The following PHF24 variants were observed in gnomAD, a reference collection of about 807,000 sequenced individuals.
PHF24 encodes PHD finger protein 24, also known as Galpha inhibitory interacting protein.
PHF24 carries 25 observed loss-of-function variants against 42.6 expected under a neutral mutation model. The ratio of observed to expected loss-of-function variants is 0.59; its 90% CI spans 0.43 to 0.82. The LOEUF (loss-of-function observed/expected upper bound fraction) is 0.82, where lower values mean the gene tolerates loss of function less well. Ranked by LOEUF, PHF24 falls within the 40% of genes least tolerant of loss-of-function variation. PHF24 has a pLI of 0.00. For missense variants in PHF24, 470 were observed against 538.1 expected, an observed-to-expected ratio of 0.87 and a Z score of 1.25; for synonymous variants, 185 against 204.8, an observed-to-expected ratio of 0.90 and a Z score of 0.83.
the PHF24 span, chr9:34,832,561 C>G: frequency 0.41 from 626,744 of 1,535,592 alleles, 133,437 homozygotes; most frequent in East Asian, 0.68. Flanking sequence ...GCAACATTTT[C>G]TTTTCTGGTT....
the PHF24 span, among the ~76,000 whole-genome samples, chr9:34,886,611 C>T: frequency 6.6e-6 from 1 of 152,174 alleles, no homozygotes; most frequent in Non-Finnish European, 1.5e-5. Context: ...GTCTCAGTCT[C>T]CTCTGCCTAC....
At chr9:34,815,592 G>T in the PHF24 span, among the ~76,000 whole-genome samples, 1 of 152,176 alleles carries the variant, frequency 6.6e-6, no homozygotes, top group African/African-American at 2.4e-5. Flanking sequence ...CAAGTGCTGG[G>T]ATTACAGGCG....
the PHF24 span, among the ~76,000 whole-genome samples, chr9:34,692,353 T>C: frequency 2.0e-5 from 3 of 152,224 alleles, no homozygotes; most frequent in Admixed American, 6.5e-5. Context: ...AACAATACCA[T>C]TGATGTAGTT....
chr9:34,912,232 G>A, the PHF24 span, among the ~76,000 whole-genome samples: 2 of 152,202 alleles, frequency 1.3e-5, no homozygotes, highest in African/African-American at 2.4e-5. Flanking sequence ...AGTAGGAAGA[G>A]TGTGTGTGGG....
the PHF24 span, among the ~76,000 whole-genome samples, chr9:34,926,467 A>G: frequency 1.3e-5 from 2 of 151,922 alleles, no homozygotes; most frequent in African/African-American, 2.4e-5. This position sits in a 1 kb window ranked among gnomAD's most constrained non-coding sequence, Gnocchi z 4.3. Flanking sequence ...TTCATGGGAC[A>G]TTTTCTCAGG....
At chr9:34,702,593 TAGGTCACCA>T in the PHF24 span, among the ~76,000 whole-genome samples, 1 of 152,220 alleles carries the variant, frequency 6.6e-6, no homozygotes, top group Non-Finnish European at 1.5e-5. Flanking sequence ...GCAATAGACG[TAGGTCACCA>T]AGGTCACAAG....
the PHF24 span, among the ~76,000 whole-genome samples, chr9:34,745,297 G>A: frequency 0.089 from 13,513 of 152,174 alleles, 1,773 homozygotes; most frequent in African/African-American, 0.28. Context: ...CAAGCTTGGT[G>A]AGCCATGGTC....
At chr9:34,894,869 G>C in the PHF24 span, among the ~76,000 whole-genome samples, 1 of 151,976 alleles carries the variant, frequency 6.6e-6, no homozygotes, top group African/African-American at 2.4e-5. Flanking sequence ...ATGTGCCTAG[G>C]CTCTGATTTT....
the PHF24 span, among the ~76,000 whole-genome samples, chr9:34,908,439 A>G: frequency 4.6e-5 from 7 of 152,322 alleles, no homozygotes; most frequent in Admixed American, 4.6e-4. Flanking sequence ...AAAGCAAACA[A>G]ATAGGAAAAT....
the PHF24 span, among the ~76,000 whole-genome samples, chr9:34,804,696 GA>G: frequency 6.6e-6 from 1 of 151,292 alleles, no homozygotes; most frequent in Admixed American, 6.6e-5. Flanking sequence ...ATCCATGCTT[GA>G]AAAATATTTA....
the PHF24 span, among the ~76,000 whole-genome samples, chr9:34,899,409 G>T: frequency 4.6e-5 from 7 of 152,322 alleles, no homozygotes; most frequent in South Asian, 1.0e-3. Context: ...CTATCGCCTT[G>T]TAAAGAAACA....
intron 3 of PHF24, among the ~76,000 whole-genome samples, chr9:34,973,189 A>C (rs1374880710): frequency 6.6e-6 from 1 of 152,278 alleles, no homozygotes; most frequent in East Asian, 1.9e-4. Flanking sequence ...TGCTTGGAGC[A>C]GTTCTTTCTC....
At chr9:34,907,989 C>G in the PHF24 span, among the ~76,000 whole-genome samples, 1 of 151,970 alleles carries the variant, frequency 6.6e-6, no homozygotes, top group Non-Finnish European at 1.5e-5. Context: ...ATTACAGGTG[C>G]CCGCCACCAC....
At chr9:34,891,073 G>C in the PHF24 span, among the ~76,000 whole-genome samples, 1 of 152,160 alleles carries the variant, frequency 6.6e-6, no homozygotes, top group Non-Finnish European at 1.5e-5. Context: ...AGGCAGCCCT[G>C]ACAGAAGGGC....
chr9:34,881,192 T>A, the PHF24 span, among the ~76,000 whole-genome samples: 2 of 152,182 alleles, frequency 1.3e-5, no homozygotes, highest in Non-Finnish European at 2.9e-5. Flanking sequence ...CCAGAATCTC[T>A]GGGACACATT....
the PHF24 span, among the ~76,000 whole-genome samples, chr9:34,952,038 T>C: frequency 6.6e-6 from 1 of 152,112 alleles, no homozygotes. Flanking sequence ...TACCAGACAG[T>C]GCAGTAAAGA....
At chr9:34,816,091 A>T in the PHF24 span, among the ~76,000 whole-genome samples, 1 of 150,920 alleles carries the variant, frequency 6.6e-6, no homozygotes, top group East Asian at 1.9e-4. Context: ...ATTTTATTTT[A>T]TTTTATTTTT....
chr9:34,977,511 T>C, intron 6 of PHF24, 35 bp from the exon 7 acceptor site: 1 of 1,571,710 alleles, frequency 6.4e-7, no homozygotes, highest in Non-Finnish European at 8.7e-7. Flanking sequence ...CATTTCACTA[T>C]CCCACTCCTA....
the PHF24 span, among the ~76,000 whole-genome samples, chr9:34,908,496 A>C: frequency 6.6e-6 from 1 of 152,248 alleles, no homozygotes; most frequent in Non-Finnish European, 1.5e-5. Context: ...AAAATAAAGA[A>C]GAGACTAAGT....
Sources: gnomAD v4.1 joint callset for allele counts (sites outside exome capture counted in the v4.1 genomes callset) on GRCh38, gnomAD v4.1.1 for gene constraint, Gnocchi (gnomAD v3.1) non-coding constraint, MANE v1.5 for transcripts, NCBI Gene and HGNC (gene_info 2026-07-23, HGNC 2026-07-21) for gene names.